Variants in SDCCAG8 observed in about 807,000 individuals in gnomAD.
The protein encoded by SDCCAG8 is SHH signaling and ciliogenesis regulator SDCCAG8.
Under a neutral mutation model 101.8 loss-of-function variants are expected in SDCCAG8, and 74 were observed. That is an observed-to-expected ratio of 0.73 (90% CI 0.60 to 0.88). The LOEUF (loss-of-function observed/expected upper bound fraction) is 0.88, where lower values mean the gene tolerates loss of function less well. Among genes scored for constraint, SDCCAG8 ranks in the 40% least tolerant of loss-of-function variants. The probability of loss-of-function intolerance (pLI) is 0.00; values close to 1 mark genes in which losing one functional copy is unlikely to be tolerated. For missense variants in SDCCAG8, 787 were observed against 822.6 expected (o/e 0.96, Z 0.53); for synonymous variants, 281 against 292.9 (o/e 0.96, Z 0.41).
chr1:243,284,841 A>C (rs1034006101), intron 4 of SDCCAG8, among the ~76,000 whole-genome samples: 3 of 152,068 alleles, frequency 2.0e-5, no homozygotes, highest in African/African-American at 7.2e-5. Flanking sequence ...CCTGGAGATA[A>C]AATTGGGGAA....
intron 1 of SDCCAG8, among the ~76,000 whole-genome samples, chr1:243,262,768 C>T (rs941385644): frequency 6.6e-6 from 1 of 152,112 alleles, no homozygotes; most frequent in African/African-American, 2.4e-5. Flanking sequence ...AGATTTTCAC[C>T]ATTTTACTTG....
chr1:243,315,001 C>T (rs926130378), intron 8 of SDCCAG8, among the ~76,000 whole-genome samples: 2 of 152,156 alleles, frequency 1.3e-5, no homozygotes, highest in Non-Finnish European at 2.9e-5. Context: ...TGAGCCACTG[C>T]GCCTGGCCTT....
chr1:243,325,317 A>G (rs1259140760), intron 9 of SDCCAG8, among the ~76,000 whole-genome samples: 1 of 152,216 alleles, frequency 6.6e-6, no homozygotes, highest in African/African-American at 2.4e-5. Context: ...TAATGAATGC[A>G]AGGACAAAAT....
intron 13 of SDCCAG8, among the ~76,000 whole-genome samples, chr1:243,385,561 G>A (rs949394089): frequency 6.6e-6 from 1 of 152,208 alleles, no homozygotes; most frequent in Non-Finnish European, 1.5e-5. Context: ...GGCATTCCGT[G>A]TAGGGGAATC....
intron 15 of SDCCAG8, among the ~76,000 whole-genome samples, chr1:243,420,612 C>T (rs539198258): frequency 6.6e-6 from 1 of 152,222 alleles, no homozygotes; most frequent in African/African-American, 2.4e-5. Context: ...TCAACCAAGG[C>T]CTGGCAAGTA....
chr1:243,493,864 G>T (rs1667176681), intron 17 of SDCCAG8, among the ~76,000 whole-genome samples: 2 of 152,004 alleles, frequency 1.3e-5, no homozygotes, highest in East Asian at 1.9e-4. Flanking sequence ...GGGAGGAAAG[G>T]CCCATTGCAA....
At chr1:243,398,314 T>C (rs1335515479) in intron 13 of SDCCAG8, among the ~76,000 whole-genome samples, 1 of 152,192 alleles carries the variant, frequency 6.6e-6, no homozygotes, top group African/African-American at 2.4e-5. Flanking sequence ...TTAACAGTTA[T>C]AGAAGATGTT....
intron 9 of SDCCAG8, among the ~76,000 whole-genome samples, chr1:243,320,213 C>T (rs762880620): frequency 2.0e-5 from 3 of 152,136 alleles, no homozygotes; most frequent in Non-Finnish European, 4.4e-5. Context: ...CTAACGTTTT[C>T]TTGAATTCTT....
At chr1:243,348,654 C>T (rs929221394) in intron 12 of SDCCAG8, among the ~76,000 whole-genome samples, 2 of 151,862 alleles carry the variant, frequency 1.3e-5, no homozygotes, top group Non-Finnish European at 2.9e-5. Flanking sequence ...GTTCAGTCTC[C>T]ATTGTTCCAT....
At chr1:243,289,320 T>A (rs908029881) in intron 5 of SDCCAG8, among the ~76,000 whole-genome samples, 1 of 152,168 alleles carries the variant, frequency 6.6e-6, no homozygotes, top group African/African-American at 2.4e-5. Context: ...TGCTTTATAT[T>A]CGCTGGCAGC....
At chr1:243,410,188 T>C (rs560585746) in intron 13 of SDCCAG8, among the ~76,000 whole-genome samples, 9 of 152,130 alleles carry the variant, frequency 5.9e-5, no homozygotes, top group Admixed American at 4.6e-4. Context: ...TAGCTGAAAA[T>C]AGAGCATGGT....
intron 16 of SDCCAG8, among the ~76,000 whole-genome samples, chr1:243,486,931 C>T (rs1471570133): frequency 1.2e-5 from 1 of 81,064 alleles, no homozygotes; most frequent in African/African-American, 6.2e-5. Flanking sequence ...AGCCACGGGG[C>T]TACCTCAGTT....
At chr1:243,445,570 T>C (rs1328689896) in intron 16 of SDCCAG8, among the ~76,000 whole-genome samples, 1 of 152,214 alleles carries the variant, frequency 6.6e-6, no homozygotes, top group Non-Finnish European at 1.5e-5. Flanking sequence ...TGACAGGTGA[T>C]GGATATGTGG....
chr1:243,344,357 A>T, intron 12 of SDCCAG8, 26 bp downstream of exon 12: 9 of 1,369,270 alleles, frequency 6.6e-6, no homozygotes, highest in East Asian at 2.3e-5. Flanking sequence ...GCATAATTGC[A>T]GCAATTATAG....
At chr1:243,476,070 ACT>A (rs1662356794) in intron 16 of SDCCAG8, 4 of 985,090 alleles carry the variant, frequency 4.1e-6, no homozygotes, top group Non-Finnish European at 4.8e-6. Flanking sequence ...TTATCCCAAC[ACT>A]CATCAGTGTG....
rs142214461 is a variant in SDCCAG8 at position 243,482,693 on chromosome 1, G to C, written c.1986-6321G>C. On this transcript the variant is annotated intron_variant, in intron 16 of 17. Transcript: ENST00000366541. Reference sequence around the variant, plus strand: ...CCTACGCTGTGCTGTGAGGGCCGGGGAGCACAGGGGCTTCCTGGGAGGAGG... The same window carrying C: ...CCTACGCTGTGCTGTGAGGGCCGGGCAGCACAGGGGCTTCCTGGGAGGAGG... 3.7e-3 allele frequency among the ~76,000 whole-genome samples: 560 copies of C among 152,324 alleles called. 4 individuals carry two copies. Among genetic ancestry groups the C allele is most frequent in the African/African-American group, 0.012 (513 of 41,576 alleles).
chr1:243,299,921 A>G lies in SDCCAG8; in HGVS notation c.676-4792A>G, dbSNP rs138323062. Among the ~76,000 whole-genome samples the G allele has an allele frequency of 3.7e-3, 553 of 150,424 alleles. 5 individuals are homozygous for G. The highest frequency in any genetic ancestry group is 0.012 in the African/African-American group (500 of 40,858). Reference sequence around the variant, plus strand: ...ACTCTGTTGCCCAGGCTGGAGTGCAATGGAATGGTCTTGACTCACTACAAC... The same window carrying G: ...ACTCTGTTGCCCAGGCTGGAGTGCAGTGGAATGGTCTTGACTCACTACAAC... On this transcript the variant is annotated intron_variant, in intron 6 of 17. Transcript: ENST00000366541.
intron 9 of SDCCAG8, among the ~76,000 whole-genome samples, chr1:243,320,804 C>T (rs1261811138): frequency 1.3e-5 from 2 of 152,004 alleles, no homozygotes; most frequent in East Asian, 3.9e-4. Flanking sequence ...TGGTGATAAC[C>T]CTGCTGATTA....
In SDCCAG8 at chr1:243,306,887, C is replaced by G. The variant is rs544101971; in HGVS notation, c.741-1102C>G. 3.3e-5 allele frequency among the ~76,000 whole-genome samples: 5 copies of G among 152,058 alleles called. No individual in the cohort carries two copies. In the South Asian group the frequency reaches 8.3e-4, roughly 25 times the overall value. On this transcript the variant is annotated intron_variant, in intron 7 of 17. Coordinates refer to ENST00000366541, the MANE Select transcript of SDCCAG8 (RefSeq NM_006642.5). ...CGTTGCTTGAAAGCCCCCAAAATCT[C>G]AACAGTTGTCTGACAGCCAGGCTGT... is the stretch of plus-strand genomic sequence containing the variant.
Sources: gnomAD v4.1 joint callset for allele counts (sites outside exome capture counted in the v4.1 genomes callset) on GRCh38, gnomAD v4.1.1 for gene constraint, MANE v1.5 for transcripts, NCBI Gene and HGNC (gene_info 2026-07-23, HGNC 2026-07-21) for gene names.